Variants in PRB4 observed in about 807,000 individuals in gnomAD.
PRB4 encodes basic salivary proline-rich protein 4.
A neutral mutation model predicts 9.1 loss-of-function variants in PRB4; 14 were observed. That is an observed-to-expected ratio of 1.54 (90% CI 1.02 to 2.41). The LOEUF (loss-of-function observed/expected upper bound fraction) is 2.41. Ranked by LOEUF, PRB4 falls within the 30% of genes most tolerant of loss-of-function variation. PRB4 has a pLI of 0.00. For missense variants in PRB4, 381 were observed against 299.3 expected (o/e 1.27, Z -2.02); for synonymous variants, 102 against 108.5 (o/e 0.94, Z 0.37).
At chr12:11,308,155 T>C in intron 3 of PRB4, 66 bp downstream of exon 3, 1 of 1,523,796 alleles carries the variant, frequency 6.6e-7, no homozygotes, top group South Asian at 1.2e-5. Context: ...AGTTGATTCA[T>C]TGGCACAATA....
At position 11,308,376 on chromosome 12, in the gene PRB4, G is replaced by A. The variant is rs1285183392; in HGVS notation, c.607C>T (p.Pro203Ser). 21 of 1,602,214 alleles carry A rather than the reference G, an allele frequency of 1.3e-5. No individual in the cohort carries two copies. Among genetic ancestry groups the A allele is most frequent in the African/African-American group, 2.7e-5 (2 of 74,676 alleles). ...KPQGPPPPGK[P>S]QGPPPAGGNP... The stretch of plus-strand genomic sequence containing the variant: ...CCTCCTGCTGGGGGTGGGCCTTGTG[G>A]CTTTCCAGGAGGTGGGGGACCTTGA... Residue 203 changes from proline (P) to serine (S), a missense_variant, in exon 3 of 4, where the codon CCA becomes TCA. Pro to Ser is a moderately conservative substitution (Grantham distance 74, BLOSUM62 -1). Transcript: ENST00000279575.
rs775201903 is a variant in PRB4, at chr12:11,309,355, T to C, written c.100+15A>G. 4.3e-6 allele frequency: 7 copies of C among 1,613,978 alleles called. No individual in the cohort carries two copies. The East Asian group carries it at 1.6e-4, about 36-fold the overall frequency. ...AAAGGGAGTCAAAACAGATTGAGAATGAATTGGGATTTACCTGATATTAGG... is the reference window on the plus strand; with the variant it reads ...AAAGGGAGTCAAAACAGATTGAGAACGAATTGGGATTTACCTGATATTAGG... On this transcript the variant is annotated intron_variant, in intron 2 of 3. Coordinates refer to ENST00000279575, the MANE Select transcript of PRB4 (RefSeq NM_002723.6).
In PRB4 at chr12:11,308,829, G is replaced by C; in HGVS notation, c.154C>G (p.Pro52Ala). The C allele has an allele frequency of 6.3e-7, 1 of 1,592,718 alleles. No homozygotes were observed. The highest frequency in any genetic ancestry group is 8.6e-7 in the Non-Finnish European group (1 of 1,167,102). Residue 52 changes from proline (P) to alanine (A), a missense_variant, in exon 3 of 4, where the codon CCT (proline) becomes GCT (alanine). Pro to Ala is a conservative substitution (Grantham distance 27). Transcript: ENST00000279575. The part of the protein sequence containing the change: ...QGGNQPQRPP[P>A]PPGKPQGPPP... ...GGTCCTTGTGGCTTTCCTGGAGGAG[G>C]TGGGGGACGTTGGGGCTGGTTTCCT...
chr12:11,308,082 C>T, intron 3 of PRB4, 139 bp downstream of exon 3: 1 of 1,005,748 alleles, frequency 9.9e-7, no homozygotes, highest in Non-Finnish European at 1.4e-6. Context: ...TACCCTATTC[C>T]AGAGTATCTG....
rs573741181 is a variant in PRB4, at chr12:11,308,550, G to T, written c.433C>A (p.Pro145Thr). The change falls in exon 3 of 4, where the codon CCC becomes ACC. Residue 145 changes from proline (P) to threonine (T), a missense_variant. Coordinates refer to ENST00000279575, the MANE Select transcript of PRB4 (RefSeq NM_002723.6). ...PPPPGKPERP[P>T]PQGGNQSQGP... is the part of the protein sequence containing the mutation. ...TGGGACTGGTTACCTCCTTGTGGGG[G>T]TGGTCTTTCTGGCTTTCCTGGAGGA... 8 of 1,584,670 alleles carry T rather than the reference G, an allele frequency of 5.0e-6. No homozygotes were observed. The highest frequency in any genetic ancestry group is 4.6e-5 in the East Asian group (2 of 43,938).
rs1479596662 is a variant in PRB4 at position 11,308,476 on chromosome 12, T to A, written c.507A>T (p.Glu169Asp). The A allele has an allele frequency of 6.2e-7, 1 of 1,613,708 alleles. No homozygotes were observed. The highest frequency in any genetic ancestry group is 8.5e-7 in the Non-Finnish European group (1 of 1,179,884). ...ATCGGGCACTTCGGGACTTGTTTCC[T>A]TCCTGTGGGGGTGGTCCTTCTGGCT... ...PGKPEGPPPQEGNKSRSARSP... is the reference protein window; with the variant it reads ...PGKPEGPPPQDGNKSRSARSP... The change falls in exon 3 of 4, where the codon GAA becomes GAT. Residue 169 changes from glutamate (E) to aspartate (D), a missense_variant. Glu to Asp is a conservative substitution (Grantham distance 45, BLOSUM62 2). Coordinates refer to ENST00000279575, the MANE Select transcript of PRB4 (RefSeq NM_002723.6).
At chr12:11,309,702 T>A (rs1471135565) in intron 1 of PRB4, among the ~76,000 whole-genome samples, 4 of 152,192 alleles carry the variant, frequency 2.6e-5, no homozygotes, top group Admixed American at 6.5e-5. Flanking sequence ...CAATGTGATA[T>A]TTTGGTGTTC....
At chr12:11,308,942 A>T in intron 2 of PRB4, 60 bp from the exon 3 acceptor site, 2 of 1,592,932 alleles carry the variant, frequency 1.3e-6, no homozygotes, top group Non-Finnish European at 1.7e-6. Context: ...TTTTACAGTA[A>T]TGGAGCTAAA....
intron 1 of PRB4, among the ~76,000 whole-genome samples, chr12:11,309,724 A>T (rs940227154): frequency 6.6e-6 from 1 of 152,164 alleles, no homozygotes; most frequent in Non-Finnish European, 1.5e-5. Flanking sequence ...TATGCCCTCC[A>T]TCTCCTGTTA....
At chr12:11,308,200 A>G (rs1463837617) in intron 3 of PRB4, 21 bp downstream of exon 3, 1 of 1,595,564 alleles carries the variant, frequency 6.3e-7, no homozygotes, top group Non-Finnish European at 8.5e-7. Flanking sequence ...AGTCCTGATG[A>G]ATAATAAAGT....
intron 1 of PRB4, 38 bp downstream of exon 1, chr12:11,310,297 C>T: frequency 1.2e-6 from 2 of 1,612,690 alleles, no homozygotes; most frequent in Admixed American, 1.7e-5. Flanking sequence ...CTCCTAAGTC[C>T]CAAGCAGTCA....
intron 2 of PRB4, among the ~76,000 whole-genome samples, chr12:11,309,119 G>C (rs909674248): frequency 9.2e-5 from 14 of 152,086 alleles, no homozygotes; most frequent in African/African-American, 2.7e-4. Context: ...CATCTCCCAG[G>C]AGGCACTCCT....
chr12:11,308,417 T>G lies in PRB4; in HGVS notation c.566A>C (p.Gln189Pro). The change falls in exon 3 of 4, where the codon CAA becomes CCA. Residue 189 changes from glutamine (Q) to proline (P), a missense_variant. By Grantham distance (76) the Gln-to-Pro change is moderately conservative. Coordinates refer to ENST00000279575, the MANE Select transcript of PRB4 (RefSeq NM_002723.6). ...GGGACCTTGAGGCTTGTTGCCTTCT[T>G]GTTGGGGTGGTCCTTGTGGCTTTCC... ...PPGKPQGPPQ[Q>P]EGNKPQGPPP... 3.1e-6 allele frequency: 5 copies of G among 1,612,976 alleles called. No homozygotes were observed. In the South Asian group the frequency reaches 3.3e-5, roughly 11 times the overall value.
At chr12:11,309,288 T>C in intron 2 of PRB4, 82 bp downstream of exon 2, 1 of 1,604,656 alleles carries the variant, frequency 6.2e-7, no homozygotes, top group African/African-American at 1.3e-5. Flanking sequence ...AGGAAAGTGT[T>C]GATAAGAAGA....
At position 11,310,423 on chromosome 12, in the gene PRB4, C is replaced by T. The variant is rs557632006; in HGVS notation, c.-25G>A. 8 of 1,614,182 alleles carry T rather than the reference C, an allele frequency of 5.0e-6. No homozygotes were observed. Among genetic ancestry groups the T allele is most frequent in the African/African-American group, 1.3e-5 (1 of 75,056 alleles). On this transcript the variant is annotated 5_prime_UTR_variant, in exon 1 of 4. Coordinates refer to ENST00000279575, the MANE Select transcript of PRB4 (RefSeq NM_002723.6). ...TCTCGCTGGAGGCTCTGGAGTCACTCCCAACTCTGTGCTGGGAGGAACGTG... is the reference window on the plus strand; with the variant it reads ...TCTCGCTGGAGGCTCTGGAGTCACTTCCAACTCTGTGCTGGGAGGAACGTG...
chr12:11,307,247 CT>C (rs1802831074), intron 3 of PRB4, 48 bp from the exon 4 acceptor site: 1 of 152,650 alleles, frequency 6.6e-6, no homozygotes, highest in South Asian at 2.1e-4. Context: ...TTTTGATGCC[CT>C]TGCACACAAT....
In PRB4 at chr12:11,308,301, G is replaced by A. The variant is rs772285486; in HGVS notation, c.682C>T (p.Pro228Ser). The change falls in exon 3 of 4, where the codon CCT becomes TCT. Residue 228 changes from proline to serine, a missense_variant. Pro to Ser is a moderately conservative substitution (Grantham distance 74). Transcript: ENST00000279575. ...GGCCTGCCCCCTTGAGGAGGTGGAG[G>A]TGGCCCCTGGGGCTTTCCAGCAGGA... is the stretch of plus-strand genomic sequence containing the variant. ...APPAGKPQGP[P>S]PPPQGGRPPR... 2 of 1,609,978 alleles carry A rather than the reference G, an allele frequency of 1.2e-6. No homozygotes were observed. Among genetic ancestry groups the A allele is most frequent in the South Asian group, 1.1e-5 (1 of 90,370 alleles).
At position 11,308,419 on chromosome 12, in the gene PRB4, T is replaced by G. The variant is rs981864384; in HGVS notation, c.564A>C (p.Gln188His). ...GACCTTGAGGCTTGTTGCCTTCTTG[T>G]TGGGGTGGTCCTTGTGGCTTTCCTG... ...SPPGKPQGPP[Q>H]QEGNKPQGPP... is the part of the protein sequence containing the mutation. Residue 188 changes from glutamine to histidine, a missense_variant, in exon 3 of 4, where the codon CAA (glutamine) becomes CAC (histidine). By Grantham distance (24) the Gln-to-His change is conservative. Coordinates refer to ENST00000279575, the MANE Select transcript of PRB4 (RefSeq NM_002723.6). The G allele has an allele frequency of 1.7e-5, 27 of 1,613,516 alleles. No homozygotes were observed. The highest frequency in any genetic ancestry group is 2.1e-5 in the Non-Finnish European group (25 of 1,179,730).
At chr12:11,309,031 C>G (rs538648390) in intron 2 of PRB4, 149 bp from the exon 3 acceptor site, 101 of 1,217,286 alleles carry the variant, frequency 8.3e-5, no homozygotes, top group Non-Finnish European at 1.1e-4. Flanking sequence ...TGGAGTGGAA[C>G]GCTGGGGGAA....
Sources: allele counts gnomAD v4.1 joint callset (sites outside exome capture counted in the v4.1 genomes callset), GRCh38; gene constraint gnomAD v4.1.1; transcripts MANE v1.5; gene names NCBI Gene and HGNC (gene_info 2026-07-23, HGNC 2026-07-21).